SYN3: variants seen among roughly 807,000 people sequenced by gnomAD.
SYN3 encodes the protein synapsin-3.
A neutral mutation model predicts 65.8 loss-of-function variants in SYN3; 35 were observed. That is an observed-to-expected ratio of 0.53 (90% CI 0.41 to 0.70). The LOEUF (loss-of-function observed/expected upper bound fraction) is 0.70. Ranked by LOEUF, SYN3 falls within the 30% of genes least tolerant of loss-of-function variation. The pLI, the probability that SYN3 is intolerant of heterozygous loss-of-function variation, is 0.00. For synonymous variants in SYN3, 270 were observed against 292.9 expected, an observed-to-expected ratio of 0.92 and a Z score of 0.80; for missense variants, 680 against 749.0, an observed-to-expected ratio of 0.91 and a Z score of 1.08.
At chr22:32,792,665 C>G (rs1358004056) in intron 6 of SYN3, among the ~76,000 whole-genome samples, 1 of 152,194 alleles carries the variant, frequency 6.6e-6, no homozygotes, top group African/African-American at 2.4e-5. Context: ...CCTGCCTTCT[C>G]TCCATTGCAA....
At chr22:33,024,314 G>A (rs973084618) in intron 1 of SYN3, among the ~76,000 whole-genome samples, 4 of 152,040 alleles carry the variant, frequency 2.6e-5, no homozygotes, top group Non-Finnish European at 4.4e-5. Context: ...TCTAATATGC[G>A]CCCATATCAT....
Position 32,714,692 on chromosome 22 carries a change from C to T in SYN3, c.712-117956G>A, listed in dbSNP as rs138553851. Among the ~76,000 whole-genome samples, 912 of 151,946 alleles carry T rather than the reference C, an allele frequency of 6.0e-3. 11 individuals are homozygous for T. Among genetic ancestry groups the T allele is most frequent in the African/African-American group, 0.021 (884 of 41,428 alleles). Reference sequence around the variant, plus strand: ...TAAAATGATTACCTAAATCTTGTTGCGAATGCCACCCCACTAGACATTATA... The same window carrying T: ...TAAAATGATTACCTAAATCTTGTTGTGAATGCCACCCCACTAGACATTATA... On this transcript the variant is annotated intron_variant, in intron 6 of 13. Coordinates refer to ENST00000358763, the MANE Select transcript of SYN3 (RefSeq NM_003490.4).
chr22:32,844,648 A>G (rs1569270319), intron 6 of SYN3, among the ~76,000 whole-genome samples: 1 of 152,044 alleles, frequency 6.6e-6, no homozygotes, highest in African/African-American at 2.4e-5. Context: ...GTTTCTTCTT[A>G]GATACTTTTA....
chr22:32,787,699 A>G (rs2046228805), intron 6 of SYN3, among the ~76,000 whole-genome samples: 1 of 152,256 alleles, frequency 6.6e-6, no homozygotes, highest in African/African-American at 2.4e-5. Flanking sequence ...AAACATTTTA[A>G]TAAGTTTTTT....
In SYN3 at chr22:32,849,552, C is replaced by T. The variant is rs377137738; in HGVS notation, c.711+15363G>A. The stretch of plus-strand genomic sequence containing the variant: ...AGATGAAGGTAGGTAATGTCATCAC[C>T]CTGGCTCCGGGAAGGTTTTTGGGTT... On this transcript the variant is annotated intron_variant, in intron 6 of 13. Coordinates refer to ENST00000358763, the MANE Select transcript of SYN3 (RefSeq NM_003490.4). The T allele has an allele frequency of 2.5e-6, 4 of 1,609,982 alleles. No homozygotes were observed. The African/African-American group carries it at 5.3e-5, about 22-fold the overall frequency.
intron 1 of SYN3, among the ~76,000 whole-genome samples, chr22:33,049,951 T>C (rs573604473): frequency 4.6e-5 from 7 of 152,280 alleles, no homozygotes; most frequent in African/African-American, 1.7e-4. Context: ...TCCAATCTTT[T>C]GGCACTGGAA....
At chr22:32,901,336 T>A (rs948455912) in intron 4 of SYN3, among the ~76,000 whole-genome samples, 1 of 152,204 alleles carries the variant, frequency 6.6e-6, no homozygotes, top group Non-Finnish European at 1.5e-5. Context: ...AACATCAGTT[T>A]CCTCACTGGG....
chr22:32,960,127 CCCCTGGG>C (rs1455374804), intron 3 of SYN3, among the ~76,000 whole-genome samples: 1 of 152,200 alleles, frequency 6.6e-6, no homozygotes, highest in Non-Finnish European at 1.5e-5. Flanking sequence ...GATGCTTTGA[CCCCTGGG>C]CCTTGCTGGC....
chr22:32,908,306 G>A (rs530260539), intron 4 of SYN3, among the ~76,000 whole-genome samples: 3 of 151,324 alleles, frequency 2.0e-5, no homozygotes, highest in African/African-American at 4.9e-5. Context: ...AGCTGGTCTC[G>A]AATTCCTGAC....
chr22:32,650,565 T>G (rs1407800775), intron 6 of SYN3, among the ~76,000 whole-genome samples: 1 of 152,056 alleles, frequency 6.6e-6, no homozygotes, highest in Non-Finnish European at 1.5e-5. Context: ...TGGCTGCACT[T>G]TACACTTTTA....
intron 7 of SYN3, among the ~76,000 whole-genome samples, chr22:32,546,538 C>G (rs895535290): frequency 1.3e-5 from 2 of 152,014 alleles, no homozygotes; most frequent in Non-Finnish European, 2.9e-5. Flanking sequence ...TGGTCTGGAG[C>G]CTCGGTGGGT....
intron 4 of SYN3, among the ~76,000 whole-genome samples, chr22:32,872,668 TA>T (rs2048879568): frequency 6.6e-6 from 1 of 152,176 alleles, no homozygotes; most frequent in Non-Finnish European, 1.5e-5. Context: ...ATGCAATGAC[TA>T]TAGAGAAATT....
At chr22:32,662,591 C>G (rs930774291) in intron 6 of SYN3, among the ~76,000 whole-genome samples, 2 of 152,156 alleles carry the variant, frequency 1.3e-5, no homozygotes, top group African/African-American at 4.8e-5. Context: ...CTGACCTTTC[C>G]AAGTTCCTCA....
At chr22:32,714,107 A>T (rs1168820291) in intron 6 of SYN3, among the ~76,000 whole-genome samples, 1 of 152,132 alleles carries the variant, frequency 6.6e-6, no homozygotes, top group African/African-American at 2.4e-5. Flanking sequence ...CCTTTAGCTG[A>T]TAAGGTTAGC....
chr22:32,775,479 G>A (rs1166945601), intron 6 of SYN3, among the ~76,000 whole-genome samples: 2 of 152,160 alleles, frequency 1.3e-5, no homozygotes, highest in African/African-American at 4.8e-5. Flanking sequence ...CTGTCGACGA[G>A]GAGGGTGACT....
chr22:32,639,230 G>T (rs1387968916), intron 6 of SYN3, among the ~76,000 whole-genome samples: 1 of 152,204 alleles, frequency 6.6e-6, no homozygotes, highest in Admixed American at 6.5e-5. Context: ...TGGGATTACA[G>T]GCATGAGCCA....
At chr22:32,766,137 A>T (rs529158038) in intron 6 of SYN3, among the ~76,000 whole-genome samples, 137 of 152,272 alleles carry the variant, frequency 9.0e-4, no homozygotes, top group Non-Finnish European at 1.7e-3. Flanking sequence ...TCTGCCCGAC[A>T]TGGGGAGAAA....
intron 6 of SYN3, among the ~76,000 whole-genome samples, chr22:32,648,776 T>G (rs184128503): frequency 6.6e-6 from 1 of 152,348 alleles, no homozygotes; most frequent in Non-Finnish European, 1.5e-5. Flanking sequence ...GCTCAGAGCC[T>G]GGCTCACAGC....
intron 4 of SYN3, among the ~76,000 whole-genome samples, chr22:32,922,262 G>A (rs1259600942): frequency 6.6e-6 from 1 of 152,132 alleles, no homozygotes; most frequent in Non-Finnish European, 1.5e-5. Flanking sequence ...GACTGCCTTG[G>A]GCTTGAATCC....
Sources: allele counts gnomAD v4.1 joint callset (sites outside exome capture counted in the v4.1 genomes callset), GRCh38; gene constraint gnomAD v4.1.1; transcripts MANE v1.5; gene names NCBI Gene and HGNC (gene_info 2026-07-23, HGNC 2026-07-21).